CNKSR1: variants seen among roughly 807,000 people sequenced by gnomAD.
CNKSR1 encodes CNK homolog protein 1.
CNKSR1 carries 88 observed loss-of-function variants against 95.6 expected under a neutral mutation model. That is an observed-to-expected ratio of 0.92 (90% CI 0.78 to 1.10). The LOEUF (loss-of-function observed/expected upper bound fraction) is 1.10, where lower values mean the gene tolerates loss of function less well. Ranked by LOEUF, CNKSR1 falls within the 50% of genes least tolerant of loss-of-function variation. The pLI is 0.00. For missense variants in CNKSR1, 836 were observed against 912.0 expected (o/e 0.92, Z 1.07); for synonymous variants, 355 against 369.7 (o/e 0.96, Z 0.46).
At chr1:26,182,203 C>T (rs2088658382) in intron 4 of CNKSR1, 158 bp from the exon 5 acceptor site, 2 of 782,864 alleles carry the variant, frequency 2.6e-6, no homozygotes, top group African/African-American at 1.7e-5. Flanking sequence ...GAAACGAGCC[C>T]TCTGGTTAAA....
chr1:26,187,486 A>G lies in CNKSR1; in HGVS notation c.1454+4A>G. 1 of 1,613,848 alleles carries G rather than the reference A, an allele frequency of 6.2e-7. No individual in the cohort carries two copies. The highest frequency in any genetic ancestry group is 8.5e-7 in the Non-Finnish European group (1 of 1,179,864). On this transcript the variant is annotated splice_donor_region_variant and intron_variant, in intron 16 of 20. Coordinates refer to ENST00000361530, the MANE Select transcript of CNKSR1 (RefSeq NM_006314.3). ...ATACCCTGACAGATCTGAGCATGTG[A>G]GTGCCGCCTCCCTTAGCCCCTACTC...
chr1:26,182,432 G>A (rs757102140), intron 5 of CNKSR1, 30 bp downstream of exon 5: 1 of 1,613,928 alleles, frequency 6.2e-7, no homozygotes, highest in Non-Finnish European at 8.5e-7. Context: ...AGAGAGTGGG[G>A]GTAGGGGCGA....
At chr1:26,186,152 T>A (rs990429380) in intron 14 of CNKSR1, among the ~76,000 whole-genome samples, 1 of 152,152 alleles carries the variant, frequency 6.6e-6, no homozygotes, top group African/African-American at 2.4e-5. Flanking sequence ...AGATGCCCCC[T>A]GACAATGCAA....
intron 14 of CNKSR1, 99 bp from the exon 15 acceptor site, chr1:26,187,069 C>A: frequency 2.3e-6 from 2 of 871,488 alleles, no homozygotes; most frequent in Non-Finnish European, 3.9e-6. Context: ...ATGCCTTCTC[C>A]TCTCCACAAC....
At chr1:26,185,216 C>G (rs775481178) in intron 14 of CNKSR1, 30 bp downstream of exon 14, 17 of 1,547,710 alleles carry the variant, frequency 1.1e-5, no homozygotes, top group Admixed American at 2.0e-5. Context: ...AACAGGTAGG[C>G]AAGTGAGTCA....
chr1:26,184,794 T>C (rs942816289), intron 13 of CNKSR1, among the ~76,000 whole-genome samples, 182 bp downstream of exon 13: 1 of 151,562 alleles, frequency 6.6e-6, no homozygotes, highest in Non-Finnish European at 1.5e-5. Context: ...GAGGCTAACC[T>C]GTTTGCTGTG....
chr1:26,180,145 C>T, intron 1 of CNKSR1: 1 of 445,222 alleles, frequency 2.2e-6, no homozygotes, highest in Non-Finnish European at 4.1e-6. Flanking sequence ...AAAAAAAAGA[C>T]TGCTGGGCCC....
At chr1:26,184,945 G>C (rs1017149005) in intron 13 of CNKSR1, 69 bp from the exon 14 acceptor site, 1 of 1,459,902 alleles carries the variant, frequency 6.8e-7, no homozygotes, top group Non-Finnish European at 9.2e-7. Context: ...CTTGTGGAAG[G>C]CAGGGAGTAG....
In CNKSR1 at chr1:26,184,621, T is replaced by C; in HGVS notation, c.1135+9T>C. ...TCGGAAGAAATCAAAAGGTATGAGG[T>C]GCGCTGGACTAGGTGGGGGTTCCCC... is the stretch of plus-strand genomic sequence containing the variant. On this transcript the variant is annotated intron_variant, in intron 13 of 20. Coordinates refer to ENST00000361530, the MANE Select transcript of CNKSR1 (RefSeq NM_006314.3). 2 of 1,596,774 alleles carry C rather than the reference T, an allele frequency of 1.3e-6. No homozygotes were observed. The highest frequency in any genetic ancestry group is 1.7e-6 in the Non-Finnish European group (2 of 1,171,796).
Position 26,180,626 on chromosome 1 carries a change from TCA to T in CNKSR1, c.210+20_210+21del. On this transcript the variant is annotated intron_variant, in intron 2 of 20. Transcript: ENST00000361530. ...CCAGGCCCTGGTGAGTGAATGCTGG[TCA>T]CACTGGCTGCAGCTTCCACCAACCT... The T allele has an allele frequency of 6.8e-6, 11 of 1,614,088 alleles. No individual in the cohort carries two copies. The highest frequency in any genetic ancestry group is 7.6e-6 in the Non-Finnish European group (9 of 1,179,984).
At position 26,184,247 on chromosome 1, in the gene CNKSR1, GT is replaced by G. The variant is rs762582924; in HGVS notation, c.961del (p.Ser321LeufsTer37). On this transcript the variant is annotated frameshift_variant, in exon 11 of 21. Transcript: ENST00000361530. LOFTEE classifies it high-confidence loss of function. ...CTGAAGACGTCTTTGCCTTTGACCTGTCTTCAAACCCCAGTCCCGGACCCAG... is the reference window on the plus strand; with the variant it reads ...CTGAAGACGTCTTTGCCTTTGACCTGCTTCAAACCCCAGTCCCGGACCCAG... ...PSEDVFAFDL[S>X]SNPSPGPSPA... The G allele has an allele frequency of 1.9e-5, 30 of 1,613,448 alleles. No homozygotes were observed. In the African/African-American group the frequency reaches 4.0e-4, roughly 22 times the overall value.
At position 26,184,232 on chromosome 1, in the gene CNKSR1, C is replaced by G; in HGVS notation, c.945C>G (p.Val315=). ...PLSPRAPSED[V]FAFDLSSNPS... The stretch of plus-strand genomic sequence containing the variant: ...TCCCCAGGGCCCCATCTGAAGACGT[C>G]TTTGCCTTTGACCTGTCTTCAAACC... The change falls in exon 11 of 21, where the codon GTC becomes GTG. Residue 315 remains valine, a synonymous_variant. Coordinates refer to ENST00000361530, the MANE Select transcript of CNKSR1 (RefSeq NM_006314.3). The G allele has an allele frequency of 6.2e-7, 1 of 1,613,562 alleles. No homozygotes were observed. Among genetic ancestry groups the G allele is most frequent in the Non-Finnish European group, 8.5e-7 (1 of 1,179,904 alleles).
At chr1:26,183,289 C>T (rs1348960180) in intron 7 of CNKSR1, 33 bp downstream of exon 7, 2 of 1,613,956 alleles carry the variant, frequency 1.2e-6, no homozygotes, top group Admixed American at 1.7e-5. Context: ...AGCCGCCCAT[C>T]CCCGAGGCCT....
intron 14 of CNKSR1, 126 bp from the exon 15 acceptor site, chr1:26,187,041 TG>T: frequency 9.4e-6 from 7 of 748,040 alleles, no homozygotes; most frequent in African/African-American, 1.7e-5. Context: ...CAGAGAGACT[TG>T]TTAGAGAGCC....
Position 26,189,665 on chromosome 1 carries a change from T to C in CNKSR1, c.*117T>C, listed in dbSNP as rs759807720. ...TGTTCAGGGTGGGAAGTAGTACTGC[T>C]AGTCATGGTCTCACCCCGAGCTGAC... On this transcript the variant is annotated 3_prime_UTR_variant, in exon 21 of 21. Coordinates refer to ENST00000361530, the MANE Select transcript of CNKSR1 (RefSeq NM_006314.3). 5.1e-6 allele frequency: 4 copies of C among 784,860 alleles called. No homozygotes were observed. The South Asian group carries it at 5.4e-5, about 11-fold the overall frequency. The allele number at this position is 784,860 out of a possible 1,614,324, so 48.6% of individuals were successfully genotyped here.
Position 26,180,815 on chromosome 1 carries a change from G to C in CNKSR1, c.311G>C (p.Cys104Ser). 1.2e-6 allele frequency: 2 copies of C among 1,614,222 alleles called. No homozygotes were observed. The highest frequency in any genetic ancestry group is 1.7e-6 in the Non-Finnish European group (2 of 1,180,034). The change falls in exon 3 of 21, where the codon TGT becomes TCT. Residue 104 changes from cysteine (C) to serine (S), a missense_variant. Transcript: ENST00000361530. ...ATAGTCCAAGGCTGCCTGGGGGACTGTGCCAAGACCCCTATTGATGTCCTC... is the reference window on the plus strand; with the variant it reads ...ATAGTCCAAGGCTGCCTGGGGGACTCTGCCAAGACCCCTATTGATGTCCTC... ...QSIVQGCLGD[C>S]AKTPIDVLCA...
Position 26,184,619 on chromosome 1 carries a change from G to T in CNKSR1, c.1135+7G>T, listed in dbSNP as rs777954969. On this transcript the variant is annotated splice_region_variant and intron_variant, in intron 13 of 20. Coordinates refer to ENST00000361530, the MANE Select transcript of CNKSR1 (RefSeq NM_006314.3). ...GGTCGGAAGAAATCAAAAGGTATGA[G>T]GTGCGCTGGACTAGGTGGGGGTTCC... The T allele has an allele frequency of 1.3e-5, 21 of 1,598,380 alleles. No individual in the cohort carries two copies. The highest frequency in any genetic ancestry group is 2.7e-5 in the African/African-American group (2 of 74,926).
Position 26,183,623 on chromosome 1 carries a change from C to T in CNKSR1, c.754-106C>T, listed in dbSNP as rs916276042. ...CCCAGGAGGCTGCATGAGTGGGAGG[C>T]AGAAGTGGGAGGCTGAGAGAGAGCT... On this transcript the variant is annotated intron_variant, in intron 8 of 20. Transcript: ENST00000361530. 2.8e-6 allele frequency: 3 copies of T among 1,055,242 alleles called. No individual in the cohort carries two copies. The African/African-American group carries it at 4.7e-5, about 16-fold the overall frequency. 65.4% of individuals were successfully genotyped at this position (1,055,242 alleles called of 1,614,324 possible). A position where few individuals can be genotyped will look rare whatever the true frequency, so the allele number is the denominator to read the frequency against.
At chr1:26,177,626 C>T (rs1188602931) in intron 1 of CNKSR1, 27 bp downstream of exon 1, 15 of 1,613,420 alleles carry the variant, frequency 9.3e-6, no homozygotes, top group Non-Finnish European at 1.3e-5. Flanking sequence ...TAGAGTTGGG[C>T]TTGAAGGGGA....
Sources: allele counts gnomAD v4.1 joint callset (sites outside exome capture counted in the v4.1 genomes callset), GRCh38; gene constraint gnomAD v4.1.1; transcripts MANE v1.5; gene names NCBI Gene and HGNC (gene_info 2026-07-23, HGNC 2026-07-21).